Variants in CDH12 observed in about 807,000 individuals in gnomAD.
The protein encoded by CDH12 is cadherin-12.
CDH12 carries 41 observed loss-of-function variants against 74.1 expected under a neutral mutation model. The observed-to-expected ratio is 0.55, with a 90% CI of 0.43 to 0.72. CDH12 has a LOEUF of 0.72. Among genes scored for constraint, CDH12 ranks in the 30% least tolerant of loss-of-function variants. The probability of loss-of-function intolerance (pLI) is 0.00; values close to 1 mark genes in which losing one functional copy is unlikely to be tolerated. For synonymous variants in CDH12, 399 were observed against 355.0 expected (o/e 1.12, Z -1.39); for missense variants, 945 against 977.2 (o/e 0.97, Z 0.44).
intron 6 of CDH12, among the ~76,000 whole-genome samples, chr5:21,863,631 T>G (rs1275348323): frequency 6.6e-6 from 1 of 152,192 alleles, no homozygotes. Flanking sequence ...TAGCTGGTTA[T>G]GATCTTTAGA....
chr5:22,265,449 G>C (rs1177726175), intron 3 of CDH12, among the ~76,000 whole-genome samples: 1 of 152,114 alleles, frequency 6.6e-6, no homozygotes, highest in Non-Finnish European at 1.5e-5. Context: ...TACTAGGCTT[G>C]TTACTATAAT....
At chr5:22,468,681 T>C (rs916067024) in intron 2 of CDH12, among the ~76,000 whole-genome samples, 3 of 152,168 alleles carry the variant, frequency 2.0e-5, no homozygotes, top group African/African-American at 7.2e-5. Flanking sequence ...TTTATCTTAA[T>C]TATTGTTAAT....
At chr5:22,432,633 ATCT>A (rs763286725) in intron 2 of CDH12, among the ~76,000 whole-genome samples, 1 of 152,026 alleles carries the variant, frequency 6.6e-6, no homozygotes, top group Non-Finnish European at 1.5e-5. Flanking sequence ...AAAGATTGTA[ATCT>A]TCTCTTTCCT....
chr5:22,385,017 CTT>C (rs763592280), intron 3 of CDH12, among the ~76,000 whole-genome samples: 66 of 152,052 alleles, frequency 4.3e-4, no homozygotes, highest in Admixed American at 8.5e-4. Flanking sequence ...TCACAAATGA[CTT>C]ATATTAATGA....
intron 1 of CDH12, among the ~76,000 whole-genome samples, chr5:22,586,304 C>T (rs1390050601): frequency 6.6e-6 from 1 of 151,628 alleles, no homozygotes; most frequent in African/African-American, 2.4e-5. Context: ...CACTTGGACA[C>T]GGGAAGGGGA....
intron 4 of CDH12, among the ~76,000 whole-genome samples, chr5:22,155,871 C>A (rs1298657703): frequency 6.6e-6 from 1 of 151,986 alleles, no homozygotes; most frequent in Non-Finnish European, 1.5e-5. Flanking sequence ...AAATATGCAA[C>A]GACTCATTCT....
At position 21,751,762 on chromosome 5, in the gene CDH12, C is replaced by T; in HGVS notation, c.2360G>A (p.Ser787Asn). Residue 787 changes from serine to asparagine, a missense_variant, in exon 15 of 15, where the codon AGT (serine) becomes AAT (asparagine). By Grantham distance (46) the Ser-to-Asn change is conservative. Around this residue, in one of 3 missense-constraint regions of CDH12, gnomAD observed 791 missense variants for 792.8 expected, o/e 1.00. Transcript: ENST00000382254. ...TTAAGTGACTTTATCAGGGTTATAA[C>T]TCTCTTCTTCGCCAAACATGTCTGC... ...VLADMFGEEE[S>N]YNPDKVT 2 of 1,613,808 alleles carry T rather than the reference C, an allele frequency of 1.2e-6. No homozygotes were observed. Among genetic ancestry groups the T allele is most frequent in the Non-Finnish European group, 1.7e-6 (2 of 1,179,874 alleles).
chr5:22,770,550 A>C (rs6874853), intron 1 of CDH12, among the ~76,000 whole-genome samples: 72,561 of 151,908 alleles, frequency 0.48, 17,465 homozygotes, highest in East Asian at 0.55. Context: ...TAGATTAAAT[A>C]CAAATATTAA....
At chr5:21,902,524 C>T (rs1753438792) in intron 6 of CDH12, among the ~76,000 whole-genome samples, 1 of 151,912 alleles carries the variant, frequency 6.6e-6, no homozygotes, top group African/African-American at 2.4e-5. Context: ...TCCATTATAT[C>T]TGAGAAGCTC....
chr5:22,502,421 C>T (rs569090943), intron 2 of CDH12, among the ~76,000 whole-genome samples: 1 of 152,016 alleles, frequency 6.6e-6, no homozygotes, highest in Non-Finnish European at 1.5e-5. Flanking sequence ...TATAAACTAC[C>T]CAGTCTCAGG....
chr5:22,547,057 C>T (rs1738364096), intron 1 of CDH12, among the ~76,000 whole-genome samples: 1 of 152,116 alleles, frequency 6.6e-6, no homozygotes, highest in South Asian at 2.1e-4. Flanking sequence ...ATTTATGATG[C>T]ACATCCATTT....
At chr5:21,853,921 C>G (rs1030225368) in intron 7 of CDH12, among the ~76,000 whole-genome samples, 1 of 151,578 alleles carries the variant, frequency 6.6e-6, no homozygotes, top group African/African-American at 2.4e-5. Flanking sequence ...TGTGGGGTTT[C>G]TGCTTCAACT....
At chr5:22,809,762 CA>C (rs1410274830) in intron 1 of CDH12, among the ~76,000 whole-genome samples, 1 of 151,558 alleles carries the variant, frequency 6.6e-6, no homozygotes, top group Non-Finnish European at 1.5e-5. Flanking sequence ...TTTTTTAAGC[CA>C]AAAATACTGC....
chr5:22,046,502 G>A (rs1739967952), intron 5 of CDH12, among the ~76,000 whole-genome samples: 1 of 147,340 alleles, frequency 6.8e-6, no homozygotes, highest in South Asian at 2.1e-4. Flanking sequence ...GCGCGATTTG[G>A]CTCACTGCAA....
At chr5:21,753,079 C>T (rs1744190540) in intron 14 of CDH12, among the ~76,000 whole-genome samples, 1 of 152,160 alleles carries the variant, frequency 6.6e-6, no homozygotes, top group Non-Finnish European at 1.5e-5. Flanking sequence ...TGAATAGGCA[C>T]AGATACAAAT....
In CDH12 at chr5:22,122,260, G is replaced by A. The variant is rs994110181; in HGVS notation, c.-186-43398C>T. Among the ~76,000 whole-genome samples, 5 of 151,998 alleles carry A rather than the reference G, an allele frequency of 3.3e-5. No individual in the cohort carries two copies. The South Asian group carries it at 6.2e-4, about 19-fold the overall frequency. On this transcript the variant is annotated intron_variant, in intron 4 of 14. Coordinates refer to ENST00000382254, the MANE Select transcript of CDH12 (RefSeq NM_004061.5). ...TCTACTAAAAATACAAAAATTAGGTGGGCATGGCGGCACATTCCTGTAATC... is the reference window on the plus strand; with the variant it reads ...TCTACTAAAAATACAAAAATTAGGTAGGCATGGCGGCACATTCCTGTAATC...
Position 21,750,951 on chromosome 5 carries a change from T to TTTTA in CDH12, c.*785_*786insTAAA, listed in dbSNP as rs1744011649. ...TATAAAGAGGAATATTTTTTCTTTT[T>TTTTA]TTTCTTTCTTTTTTTTTTGGAAAAG... On this transcript the variant is annotated 3_prime_UTR_variant, in exon 15 of 15. Coordinates refer to ENST00000382254, the MANE Select transcript of CDH12 (RefSeq NM_004061.5). The TTTTA allele has an allele frequency of 1.3e-5, 1 of 79,922 alleles. No homozygotes were observed. Among genetic ancestry groups the TTTTA allele is most frequent in the Non-Finnish European group, 2.9e-5 (1 of 34,964 alleles). The allele number at this position is 79,922 out of a possible 1,614,324, so 5.0% of individuals were successfully genotyped here. A position where few individuals can be genotyped will look rare whatever the true frequency, so the allele number is the denominator to read the frequency against.
chr5:22,605,431 A>C (rs1182724032), intron 1 of CDH12, among the ~76,000 whole-genome samples: 1 of 152,186 alleles, frequency 6.6e-6, no homozygotes, highest in East Asian at 1.9e-4. Flanking sequence ...GCCTAAGGGT[A>C]ATGTTCTCAG....
chr5:22,424,735 C>T (rs1743820305), intron 2 of CDH12, among the ~76,000 whole-genome samples: 1 of 152,000 alleles, frequency 6.6e-6, no homozygotes, highest in South Asian at 2.1e-4. Flanking sequence ...CTTGCTCTAC[C>T]TTATATAGTC....
Sources: allele counts gnomAD v4.1 joint callset (sites outside exome capture counted in the v4.1 genomes callset), GRCh38; gene constraint gnomAD v4.1.1; regional missense constraint gnomAD v4.1.1; transcripts MANE v1.5; gene names NCBI Gene and HGNC (gene_info 2026-07-23, HGNC 2026-07-21).